NKAIN3: variants seen among roughly 807,000 people sequenced by gnomAD.
NKAIN3 encodes sodium/potassium-transporting ATPase subunit beta-1-interacting protein 3.
In NKAIN3, 25 loss-of-function variants were observed where a neutral mutation model predicts 30.2. The observed-to-expected ratio is 0.83, with a 90% CI of 0.60 to 1.16. The LOEUF is 1.16. Among genes scored for constraint, NKAIN3 ranks in the 50% most tolerant of loss-of-function variants. The pLI is 0.00. For missense variants in NKAIN3, 225 were observed against 254.1 expected (o/e 0.89, Z 0.78); for synonymous variants, 91 against 89.6 (o/e 1.02, Z -0.09).
chr8:62,994,247 T>C (rs1804050970), intron 5 of NKAIN3, among the ~76,000 whole-genome samples: 1 of 152,200 alleles, frequency 6.6e-6, no homozygotes, highest in African/African-American at 2.4e-5. Context: ...ACATAAATTA[T>C]GGTACTGCCA....
chr8:62,290,399 T>G (rs1305520280), intron 1 of NKAIN3, among the ~76,000 whole-genome samples: 1 of 152,212 alleles, frequency 6.6e-6, no homozygotes, highest in Non-Finnish European at 1.5e-5. Flanking sequence ...TAGCTCCTAT[T>G]ATTTTGAGAT....
intron 1 of NKAIN3, among the ~76,000 whole-genome samples, chr8:62,294,570 C>G (rs1813766406): frequency 6.6e-6 from 1 of 152,074 alleles, no homozygotes; most frequent in Non-Finnish European, 1.5e-5. Context: ...TTTTTTGAGA[C>G]AGAGCCTTAC....
At chr8:62,384,740 G>A (rs888167074) in intron 1 of NKAIN3, among the ~76,000 whole-genome samples, 4 of 152,064 alleles carry the variant, frequency 2.6e-5, no homozygotes, top group African/African-American at 9.7e-5. Context: ...AATATAAGCA[G>A]TGTTCACTTA....
intron 1 of NKAIN3, among the ~76,000 whole-genome samples, chr8:62,547,709 A>G (rs1381035203): frequency 6.6e-6 from 1 of 152,182 alleles, no homozygotes; most frequent in Non-Finnish European, 1.5e-5. Flanking sequence ...CAGCATTTAG[A>G]TATCAAGTGT....
At chr8:62,495,184 G>A (rs779322574) in intron 1 of NKAIN3, among the ~76,000 whole-genome samples, 2 of 151,928 alleles carry the variant, frequency 1.3e-5, no homozygotes, top group South Asian at 4.2e-4. Context: ...ACTATGTCAT[G>A]ACCAATTTCA....
At chr8:62,727,879 G>A (rs182284845) in intron 3 of NKAIN3, among the ~76,000 whole-genome samples, 220 of 152,128 alleles carry the variant, frequency 1.4e-3, no homozygotes, top group Admixed American at 3.5e-3. Flanking sequence ...GTTTTATTGA[G>A]GTGTAATTTA....
chr8:62,869,756 T>G (rs572978499), intron 4 of NKAIN3, among the ~76,000 whole-genome samples: 1 of 151,712 alleles, frequency 6.6e-6, no homozygotes, highest in South Asian at 2.1e-4. Flanking sequence ...TTCCTTTGTT[T>G]GTTTCTGTTT....
intron 1 of NKAIN3, among the ~76,000 whole-genome samples, chr8:62,453,700 C>A (rs1346273408): frequency 6.6e-6 from 1 of 151,914 alleles, no homozygotes; most frequent in Non-Finnish European, 1.5e-5. Context: ...GGGGCATTAC[C>A]ACCGACCCCA....
rs58708057 is a variant in NKAIN3, at chr8:62,554,018, C to G, written c.55-25521C>G. 7.2e-5 allele frequency among the ~76,000 whole-genome samples: 11 copies of G among 152,284 alleles called. No homozygotes were observed. In the East Asian group the frequency reaches 1.9e-3, roughly 27 times the overall value. ...CCATTTCCTACTTCACCTCAACATA[C>G]AGCGATGACTTGTGTTAGTAGTTTC... On this transcript the variant is annotated intron_variant, in intron 1 of 6. Coordinates refer to ENST00000623646, the MANE Select transcript of NKAIN3 (RefSeq NM_001304533.3).
At chr8:62,541,416 G>A (rs559566814) in intron 1 of NKAIN3, among the ~76,000 whole-genome samples, 1 of 152,228 alleles carries the variant, frequency 6.6e-6, no homozygotes, top group African/African-American at 2.4e-5. Context: ...CTCCTTCCTG[G>A]CCCAAGTTAA....
rs530740002 is a variant in NKAIN3 at position 62,796,501 on chromosome 8, A to G, written c.471+49372A>G. ...CTAGATGATTACACTGCCCAAATGC[A>G]CACATGATGCTCGACATTCATCTAA... On this transcript the variant is annotated intron_variant, in intron 4 of 6. Transcript: ENST00000623646. Among the ~76,000 whole-genome samples the G allele has an allele frequency of 4.0e-5, 6 of 151,752 alleles. No individual in the cohort carries two copies. In the East Asian group the frequency reaches 1.2e-3, roughly 29 times the overall value.
At chr8:62,420,113 A>G (rs1415194771) in intron 1 of NKAIN3, among the ~76,000 whole-genome samples, 2 of 152,112 alleles carry the variant, frequency 1.3e-5, no homozygotes, top group East Asian at 3.9e-4. Context: ...CATATCATCA[A>G]TGAGCCAGGC....
At chr8:62,658,199 C>T (rs1447563133) in intron 3 of NKAIN3, among the ~76,000 whole-genome samples, 1 of 152,188 alleles carries the variant, frequency 6.6e-6, no homozygotes, top group Admixed American at 6.6e-5. Context: ...AGTTCTCTGA[C>T]ACTGGCTTTG....
intron 3 of NKAIN3, among the ~76,000 whole-genome samples, chr8:62,653,960 T>A (rs1812696942): frequency 6.6e-6 from 1 of 152,094 alleles, no homozygotes; most frequent in African/African-American, 2.4e-5. Context: ...TCATCTTTAA[T>A]AATATAATTC....
intron 1 of NKAIN3, among the ~76,000 whole-genome samples, chr8:62,286,083 C>A (rs547523657): frequency 6.6e-6 from 1 of 152,196 alleles, no homozygotes; most frequent in East Asian, 1.9e-4. Flanking sequence ...TTTGTTCAAT[C>A]AAAATGACTT....
At chr8:62,353,057 T>C (rs1476036064) in intron 1 of NKAIN3, among the ~76,000 whole-genome samples, 1 of 152,216 alleles carries the variant, frequency 6.6e-6, no homozygotes, top group East Asian at 1.9e-4. Context: ...GTGTAGGCTG[T>C]GTCTTTAAGT....
chr8:62,831,973 T>C (rs1289822174), intron 4 of NKAIN3, among the ~76,000 whole-genome samples: 2 of 151,770 alleles, frequency 1.3e-5, no homozygotes, highest in Non-Finnish European at 2.9e-5. Context: ...AAAAAAGAAA[T>C]ATCAGACCAT....
intron 4 of NKAIN3, among the ~76,000 whole-genome samples, chr8:62,837,228 T>A (rs1819391141): frequency 6.6e-6 from 1 of 152,186 alleles, no homozygotes; most frequent in African/African-American, 2.4e-5. Context: ...TGAAGTTGAT[T>A]GATTCTATGT....
chr8:62,697,276 C>T (rs1236003724), intron 3 of NKAIN3, among the ~76,000 whole-genome samples: 1 of 152,216 alleles, frequency 6.6e-6, no homozygotes, highest in Non-Finnish European at 1.5e-5. Context: ...CTCTGCCCTA[C>T]TACTTGCCTA....
Sources: gnomAD v4.1 joint callset for allele counts (sites outside exome capture counted in the v4.1 genomes callset) on GRCh38, gnomAD v4.1.1 for gene constraint, MANE v1.5 for transcripts, NCBI Gene and HGNC (gene_info 2026-07-23, HGNC 2026-07-21) for gene names.